Variants in SSH2 observed in about 807,000 individuals in gnomAD.
The protein encoded by SSH2 is slingshot protein phosphatase 2, also known as protein phosphatase Slingshot homolog 2.
Under a neutral mutation model 135.2 loss-of-function variants are expected in SSH2, and 37 were observed. That is an observed-to-expected ratio of 0.27 (90% confidence interval 0.21 to 0.36). SSH2 has a LOEUF of 0.36. Among genes scored for constraint, SSH2 ranks in the 10% least tolerant of loss-of-function variants. SSH2 has a pLI of 1.00. For missense variants in SSH2, 1,408 were observed against 1,765.3 expected, an observed-to-expected ratio of 0.80 and a Z score of 3.63; for synonymous variants, 628 against 646.2, an observed-to-expected ratio of 0.97 and a Z score of 0.43.
At chr17:29,787,334 C>T (rs1286698512) in intron 3 of SSH2, 2 of 152,144 alleles carry the variant, frequency 1.3e-5, no homozygotes. Flanking sequence ...GAACAATATT[C>T]CACTGTACAT....
intron 3 of SSH2, among the ~76,000 whole-genome samples, chr17:29,731,465 ATTTATTTT>A (rs1420588119): frequency 3.2e-5 from 3 of 94,860 alleles, no homozygotes; most frequent in African/African-American, 8.1e-5. Context: ...TTATTTATTT[ATTTATTTT>A]GAGATGGAGT....
intron 4 of SSH2, among the ~76,000 whole-genome samples, chr17:29,701,569 G>A (rs1217456760): frequency 6.6e-6 from 1 of 151,300 alleles, no homozygotes; most frequent in African/African-American, 2.4e-5. Context: ...ACCACCACAC[G>A]TCACTAATTT....
At chr17:29,869,120 G>A (rs1455741405) in intron 1 of SSH2, among the ~76,000 whole-genome samples, 3 of 152,194 alleles carry the variant, frequency 2.0e-5, no homozygotes, top group Non-Finnish European at 2.9e-5. Context: ...TCCATCTTAG[G>A]AAAAGGATTT....
chr17:29,630,762 A>G lies in SSH2; in HGVS notation c.*79T>C. The G allele has an allele frequency of 7.1e-7, 1 of 1,399,458 alleles. No individual in the cohort carries two copies. The highest frequency in any genetic ancestry group is 9.7e-7 in the Non-Finnish European group (1 of 1,034,932). 86.7% of individuals were successfully genotyped at this position (1,399,458 alleles called of 1,614,324 possible). On this transcript the variant is annotated 3_prime_UTR_variant, in exon 16 of 16. Transcript: ENST00000540801. The stretch of plus-strand genomic sequence containing the variant: ...CCAAAATATTATAAAATTAACCAAT[A>G]AAGTGCATGTTCCTTACATATTACA...
At position 29,667,024 on chromosome 17, in the gene SSH2, T is replaced by C. The variant is rs145340828; in HGVS notation, c.904-29A>G. On this transcript the variant is annotated intron_variant, in intron 10 of 15. Coordinates refer to ENST00000540801, the MANE Select transcript of SSH2 (RefSeq NM_001282129.2). ...AAACAAAGATGATATATTGGACCCA[T>C]CTCTTAAAGTCCCTCTGTACTTTCA... is the stretch of plus-strand genomic sequence containing the variant. 2.9e-4 allele frequency: 468 copies of C among 1,613,896 alleles called. 1 individual carries two copies. In the African/African-American group the frequency reaches 4.7e-3, roughly 16 times the overall value.
chr17:29,923,104 G>A (rs975866924), intron 1 of SSH2, among the ~76,000 whole-genome samples: 1 of 152,106 alleles, frequency 6.6e-6, no homozygotes, highest in African/African-American at 2.4e-5. Flanking sequence ...TAGCGACAGG[G>A]TTTCACCATG....
chr17:29,814,289 G>T (rs1047639075), intron 2 of SSH2, among the ~76,000 whole-genome samples: 1 of 148,802 alleles, frequency 6.7e-6, no homozygotes, highest in African/African-American at 2.5e-5. Flanking sequence ...CAAAAAATTA[G>T]CCGGGCGTGG....
chr17:29,699,191 T>C (rs2038882928), intron 4 of SSH2, among the ~76,000 whole-genome samples: 1 of 152,234 alleles, frequency 6.6e-6, no homozygotes, highest in African/African-American at 2.4e-5. Context: ...ATTTCAAATT[T>C]CTATTGGATT....
chr17:29,631,093 C>G lies in SSH2; in HGVS notation c.4101G>C (p.Glu1367Asp), dbSNP rs550039010. 5.6e-6 allele frequency: 9 copies of G among 1,614,230 alleles called. No individual in the cohort carries two copies. The highest frequency in any genetic ancestry group is 7.6e-6 in the Non-Finnish European group (9 of 1,180,044). ...CTTTGGCATACTGCACAAGGGGCCT[C>G]TCCACTGGCTTGCTCTGCACAATAC... ...TECIVQSKPV[E>D]RPLVQYAKEF... The change falls in exon 16 of 16, where the codon GAG (glutamate) becomes GAC (aspartate). Residue 1367 changes from glutamate (E) to aspartate (D), a missense_variant. Around this residue, in one of 3 missense-constraint regions of SSH2, gnomAD observed 1,080 missense variants for 1,144.5 expected, o/e 0.94. Transcript: ENST00000540801.
chr17:29,724,735 G>A (rs534856833), intron 3 of SSH2, among the ~76,000 whole-genome samples: 96 of 150,774 alleles, frequency 6.4e-4, no homozygotes, highest in South Asian at 6.1e-3. Context: ...GATTACAGGC[G>A]CATGCCACCA....
rs994287032 is a variant in SSH2 at position 29,889,751 on chromosome 17, T to C, written c.63+40187A>G. On this transcript the variant is annotated intron_variant, in intron 1 of 15. Transcript: ENST00000540801. ...TAATAAAAAGACAAAAAGTCCAATT[T>C]AAAAATGAGCAAAGGCCAGCCTGGG... 6.3e-5 allele frequency among the ~76,000 whole-genome samples: 7 copies of C among 110,444 alleles called. No individual in the cohort carries two copies. The Admixed American group carries it at 8.0e-4, about 13-fold the overall frequency. 72.5% of individuals were successfully genotyped at this position (110,444 alleles called of 152,430 possible).
chr17:29,888,017 A>C (rs922713235), intron 1 of SSH2, among the ~76,000 whole-genome samples: 3 of 152,160 alleles, frequency 2.0e-5, no homozygotes, highest in African/African-American at 7.2e-5. Context: ...CTGGAGGATC[A>C]CTTAAGCCCA....
At chr17:29,726,264 G>T (rs1404555236) in intron 3 of SSH2, among the ~76,000 whole-genome samples, 1 of 152,136 alleles carries the variant, frequency 6.6e-6, no homozygotes, top group East Asian at 1.9e-4. Context: ...TCAGGCAGGG[G>T]GAGCAGCATG....
At chr17:29,722,901 C>T (rs188081238) in intron 3 of SSH2, among the ~76,000 whole-genome samples, 16 of 152,236 alleles carry the variant, frequency 1.1e-4, no homozygotes, top group African/African-American at 3.1e-4. Context: ...GAAAGTGAAC[C>T]GTGAAGAAAC....
At chr17:29,849,066 T>G (rs2065498156) in intron 1 of SSH2, 137 bp from the exon 2 acceptor site, 1 of 554,114 alleles carries the variant, frequency 1.8e-6, no homozygotes, top group Non-Finnish European at 3.3e-6. Flanking sequence ...GTGATGGCTA[T>G]TTTGAGAGAA....
intron 11 of SSH2, among the ~76,000 whole-genome samples, chr17:29,664,512 TAGAC>T: frequency 6.6e-6 from 1 of 152,306 alleles, no homozygotes; most frequent in South Asian, 2.1e-4. Context: ...TCATTATTTT[TAGAC>T]AGGCTCTCTC....
At chr17:29,670,635 G>A (rs1223963450) in intron 9 of SSH2, among the ~76,000 whole-genome samples, 2 of 152,004 alleles carry the variant, frequency 1.3e-5, no homozygotes, top group African/African-American at 4.8e-5. Context: ...TTAGCTGGCC[G>A]TGGTGGCATG....
chr17:29,862,431 C>T (rs1204483421), intron 1 of SSH2, among the ~76,000 whole-genome samples: 1 of 152,150 alleles, frequency 6.6e-6, no homozygotes, highest in Non-Finnish European at 1.5e-5. Flanking sequence ...ATAAAAATAA[C>T]ACAACTTGAA....
rs559085833 is a variant in SSH2, at chr17:29,875,039, C to A, written c.64-26110G>T. Among the ~76,000 whole-genome samples the A allele has an allele frequency of 7.2e-5, 11 of 151,926 alleles. No homozygotes were observed. The South Asian group carries it at 2.1e-3, about 29-fold the overall frequency. ...TTACAAGGCTCAGTTCTGATAAAGT[C>A]AAAAAAATCATAAAGTCATAAAATC... On this transcript the variant is annotated intron_variant, in intron 1 of 15. Coordinates refer to ENST00000540801, the MANE Select transcript of SSH2 (RefSeq NM_001282129.2).
Sources: allele counts gnomAD v4.1 joint callset (sites outside exome capture counted in the v4.1 genomes callset), GRCh38; gene constraint gnomAD v4.1.1; regional missense constraint gnomAD v4.1.1; transcripts MANE v1.5; gene names NCBI Gene and HGNC (gene_info 2026-07-23, HGNC 2026-07-21).